The following CSMD1 variants were observed in gnomAD, a reference collection of about 807,000 sequenced individuals.
The protein encoded by CSMD1 is CUB and Sushi multiple domains 1.
A neutral mutation model predicts 417.5 loss-of-function variants in CSMD1; 213 were observed. The ratio of observed to expected loss-of-function variants is 0.51; its 90% CI spans 0.46 to 0.57. The LOEUF (loss-of-function observed/expected upper bound fraction) is 0.57, where lower values mean the gene tolerates loss of function less well. Ranked by LOEUF, CSMD1 falls within the 20% of genes least tolerant of loss-of-function variation. The probability of loss-of-function intolerance (pLI) is 0.00; values close to 1 mark genes in which losing one functional copy is unlikely to be tolerated. For synonymous variants in CSMD1, 2,862 were observed against 1,736.8 expected (o/e 1.65, Z -16.11); for missense variants, 6,923 against 4,529.7 (o/e 1.53, Z -15.17).
intron 38 of CSMD1, among the ~76,000 whole-genome samples, chr8:3,159,793 C>T (rs1819769927): frequency 6.6e-6 from 1 of 152,142 alleles, no homozygotes; most frequent in South Asian, 2.1e-4. Context: ...GGCCTGTGTC[C>T]CTAAGCAGCA....
chr8:4,815,490 G>A (rs547137756), intron 1 of CSMD1, among the ~76,000 whole-genome samples: 3 of 151,916 alleles, frequency 2.0e-5, no homozygotes, highest in African/African-American at 4.8e-5. Context: ...GAGGTCAGGA[G>A]ATCGAGACCA....
chr8:3,477,988 T>G (rs10104746), intron 11 of CSMD1, among the ~76,000 whole-genome samples: 37,789 of 152,108 alleles, frequency 0.25, 5,088 homozygotes, highest in Middle Eastern at 0.37. Context: ...AATCATATTA[T>G]TAAATACAAT....
intron 57 of CSMD1, among the ~76,000 whole-genome samples, chr8:2,969,149 G>A (rs976094457): frequency 2.0e-5 from 3 of 152,030 alleles, no homozygotes. Flanking sequence ...ACTTATTCCC[G>A]GCTGTTACCA....
In CSMD1 at chr8:3,671,544, TG is replaced by T. The variant is rs1294758416; in HGVS notation, c.1009+36869del. Reference sequence around the variant, plus strand: ...ATATATGATCATATATATATATATATGATCATATATATGATCATATATATAT... The same window carrying T: ...ATATATGATCATATATATATATATATATCATATATATGATCATATATATAT... On this transcript the variant is annotated intron_variant, in intron 7 of 69. Transcript: ENST00000635120. Among the ~76,000 whole-genome samples, 15 of 14,236 alleles carry T rather than the reference TG, an allele frequency of 1.1e-3. 2 individuals carry two copies. Among genetic ancestry groups the T allele is most frequent in the African/African-American group, 1.5e-3 (5 of 3,232 alleles). 9.3% of individuals were successfully genotyped at this position (14,236 alleles called of 152,430 possible). A position where few individuals can be genotyped will look rare whatever the true frequency, so the allele number is the denominator to read the frequency against.
At chr8:4,431,057 C>G (rs768902994) in intron 2 of CSMD1, among the ~76,000 whole-genome samples, 29 of 152,054 alleles carry the variant, frequency 1.9e-4, no homozygotes, top group Non-Finnish European at 3.5e-4. Context: ...CGTGGAGTGT[C>G]CATTTTATTT....
At position 4,157,384 on chromosome 8, in the gene CSMD1, C is replaced by T. The variant is rs543972373; in HGVS notation, c.416-125285G>A. On this transcript the variant is annotated intron_variant, in intron 3 of 69. Transcript: ENST00000635120. ...TGAAGAAAATGTTTATTCACGCCAGCTCAAAGGTTGAATTGAAAATTTTCT... is the reference window on the plus strand; with the variant it reads ...TGAAGAAAATGTTTATTCACGCCAGTTCAAAGGTTGAATTGAAAATTTTCT... 5.9e-5 allele frequency among the ~76,000 whole-genome samples: 9 copies of T among 152,318 alleles called. No individual in the cohort carries two copies. The South Asian group carries it at 1.7e-3, about 28-fold the overall frequency.
chr8:4,201,492 A>C (rs973980913), intron 3 of CSMD1, among the ~76,000 whole-genome samples: 2 of 131,002 alleles, frequency 1.5e-5, no homozygotes, highest in Non-Finnish European at 3.1e-5. Context: ...GAGCCGACAT[A>C]GCGCCACTGC....
chr8:3,692,441 A>G (rs1800299674), intron 7 of CSMD1, among the ~76,000 whole-genome samples: 1 of 135,090 alleles, frequency 7.4e-6, no homozygotes, highest in Non-Finnish European at 1.7e-5. Flanking sequence ...ATACTTTAAC[A>G]ATAATTTTTT....
chr8:4,536,949 A>C (rs1797132709), intron 2 of CSMD1, among the ~76,000 whole-genome samples: 1 of 152,220 alleles, frequency 6.6e-6, no homozygotes, highest in Non-Finnish European at 1.5e-5. Flanking sequence ...TTATTGGAAA[A>C]ATGAGAAATG....
intron 2 of CSMD1, among the ~76,000 whole-genome samples, chr8:4,491,979 A>G (rs1187774708): frequency 6.6e-6 from 1 of 152,146 alleles, no homozygotes; most frequent in Admixed American, 6.5e-5. Flanking sequence ...GACATTCATT[A>G]ATAGATGAAT....
chr8:3,926,098 C>CACACACCATACAG (rs1809684737), intron 5 of CSMD1, among the ~76,000 whole-genome samples: 7 of 81,936 alleles, frequency 8.5e-5, no homozygotes, highest in Non-Finnish European at 1.4e-4. Context: ...CACACACACA[C>CACACACCATACAG]ACACACACAC....
chr8:3,155,358 G>GTTTTTTTT (rs763097673), intron 39 of CSMD1, among the ~76,000 whole-genome samples: 6 of 48,106 alleles, frequency 1.2e-4, no homozygotes, highest in Non-Finnish European at 1.3e-4. Flanking sequence ...TCAAGGCTGG[G>GTTTTTTTT]ATTTTTTTTT....
chr8:4,080,822 A>T (rs899939835), intron 3 of CSMD1, among the ~76,000 whole-genome samples: 2 of 152,202 alleles, frequency 1.3e-5, no homozygotes, highest in African/African-American at 4.8e-5. Context: ...CTAGATAAAA[A>T]TTCAATAAAG....
At chr8:3,747,072 G>A (rs1797098545) in intron 6 of CSMD1, among the ~76,000 whole-genome samples, 1 of 152,212 alleles carries the variant, frequency 6.6e-6, no homozygotes, top group Non-Finnish European at 1.5e-5. Context: ...ACGTTCTGAT[G>A]TTAAGTAGTG....
At position 4,037,807 on chromosome 8, in the gene CSMD1, A is replaced by C. The variant is rs1481626935; in HGVS notation, c.416-5708T>G. On this transcript the variant is annotated intron_variant, in intron 3 of 69. Coordinates refer to ENST00000635120, the MANE Select transcript of CSMD1 (RefSeq NM_033225.6). ...CTTGAACCATTCCAGGTTGGAATTG[A>C]ATCTTTTTATGTTTGTATATAAATA... is the stretch of plus-strand genomic sequence containing the variant. 3.3e-5 allele frequency among the ~76,000 whole-genome samples: 5 copies of C among 152,202 alleles called. No homozygotes were observed. In the South Asian group the frequency reaches 6.2e-4, roughly 19 times the overall value.
In CSMD1 at chr8:4,398,388, C is replaced by CTTTTTTTT. The variant is rs767579097; in HGVS notation, c.415+21557_415+21564dup. ...TTTTTAAATTGTCTTGCTGCAACTT[C>CTTTTTTTT]TTTTTTTTTTTTTTTTTTTTGTGAG... On this transcript the variant is annotated intron_variant, in intron 3 of 69. Coordinates refer to ENST00000635120, the MANE Select transcript of CSMD1 (RefSeq NM_033225.6). Among the ~76,000 whole-genome samples, 13 of 114,498 alleles carry CTTTTTTTT rather than the reference C, an allele frequency of 1.1e-4. 1 individual carries two copies. Among genetic ancestry groups the CTTTTTTTT allele is most frequent in the South Asian group, 3.0e-4 (1 of 3,366 alleles). 75.1% of individuals were successfully genotyped at this position (114,498 alleles called of 152,430 possible).
intron 2 of CSMD1, among the ~76,000 whole-genome samples, chr8:4,508,271 T>A (rs1802637705): frequency 6.6e-6 from 1 of 152,056 alleles, no homozygotes; most frequent in African/African-American, 2.4e-5. Flanking sequence ...GTGTCTCACT[T>A]TGCTAGATGC....
intron 7 of CSMD1, among the ~76,000 whole-genome samples, chr8:3,699,467 G>T (rs560155636): frequency 6.6e-6 from 1 of 152,182 alleles, no homozygotes; most frequent in Non-Finnish European, 1.5e-5. Flanking sequence ...TTTCAGCCAC[G>T]GAGGAAGTCC....
At chr8:2,964,080 A>T (rs940770887) in intron 59 of CSMD1, among the ~76,000 whole-genome samples, 20 of 152,214 alleles carry the variant, frequency 1.3e-4, no homozygotes, top group Non-Finnish European at 2.9e-5. Flanking sequence ...GCAAAAATCC[A>T]AAAACCACTG....
Sources: gnomAD v4.1 joint callset for allele counts (sites outside exome capture counted in the v4.1 genomes callset) on GRCh38, gnomAD v4.1.1 for gene constraint, MANE v1.5 for transcripts, NCBI Gene and HGNC (gene_info 2026-07-23, HGNC 2026-07-21) for gene names.